The following ANKRD30BL variants were observed in gnomAD, a reference collection of about 807,000 sequenced individuals.
ANKRD30BL encodes the protein ankyrin repeat domain 30B like.
ANKRD30BL carries 20 observed loss-of-function variants against 18.4 expected under a neutral mutation model. The observed-to-expected ratio is 1.09, with a 90% CI of 0.77 to 1.58. The LOEUF is 1.58. Ranked by LOEUF, ANKRD30BL falls within the 40% of genes most tolerant of loss-of-function variation. The pLI is 0.00. For synonymous variants in ANKRD30BL, 72 were observed against 100.9 expected, an observed-to-expected ratio of 0.71 and a Z score of 1.72; for missense variants, 224 against 268.6, an observed-to-expected ratio of 0.83 and a Z score of 1.16.
At chr2:132,177,504 AG>A (rs2104945144) in intron 1 of ANKRD30BL, among the ~76,000 whole-genome samples, 1 of 152,336 alleles carries the variant, frequency 6.6e-6, no homozygotes, top group African/African-American at 2.4e-5. Context: ...GAGAAACTAC[AG>A]GATTTTGTTC....
intron 1 of ANKRD30BL, among the ~76,000 whole-genome samples, chr2:132,213,084 C>CT (rs1679399265): frequency 6.6e-6 from 1 of 151,788 alleles, no homozygotes; most frequent in Non-Finnish European, 1.5e-5. Flanking sequence ...TTGAAACCCT[C>CT]TTTTTATAGG....
intron 1 of ANKRD30BL, among the ~76,000 whole-genome samples, chr2:132,241,425 T>C (rs1309264939): frequency 6.6e-6 from 1 of 151,796 alleles, no homozygotes; most frequent in Non-Finnish European, 1.5e-5. Context: ...GAACCTTCCC[T>C]TTCATAGAGC....
chr2:132,147,942 AG>A lies in ANKRD30BL; in HGVS notation c.*188del. 1.8e-6 allele frequency: 1 copy of A among 561,832 alleles called. No individual in the cohort carries two copies. Among genetic ancestry groups the A allele is most frequent in the Non-Finnish European group, 3.2e-6 (1 of 309,426 alleles). 34.8% of individuals were successfully genotyped at this position (561,832 alleles called of 1,614,324 possible). Reference sequence around the variant, plus strand: ...TAGAAGGGGGCTGTTTAATGAAACTAGGGGCAAGGAGGCATAACGAACGAGG... The same window carrying A: ...TAGAAGGGGGCTGTTTAATGAAACTAGGGCAAGGAGGCATAACGAACGAGG... On this transcript the variant is annotated 3_prime_UTR_variant, in exon 6 of 6. Coordinates refer to ENST00000409867, the MANE Select transcript of ANKRD30BL (RefSeq NM_001358416.1).
chr2:132,222,832 T>TAAAAAAACAAAAAAA, intron 1 of ANKRD30BL, among the ~76,000 whole-genome samples: 1 of 52,808 alleles, frequency 1.9e-5, no homozygotes, highest in Non-Finnish European at 3.8e-5. Context: ...GAATGATCAA[T>TAAAAAAACAAAAAAA]AAAAAAAAAA....
chr2:132,245,208 T>C (rs552926991), intron 1 of ANKRD30BL, among the ~76,000 whole-genome samples: 2 of 152,414 alleles, frequency 1.3e-5, no homozygotes, highest in Admixed American at 6.5e-5. Context: ...AAACAGTCTT[T>C]TTGTACAATT....
chr2:132,177,932 T>A (rs1482398469), intron 1 of ANKRD30BL, among the ~76,000 whole-genome samples: 2 of 152,224 alleles, frequency 1.3e-5, no homozygotes, highest in Non-Finnish European at 2.9e-5. Flanking sequence ...ACAGTTGGTA[T>A]GCCATTTTTA....
intron 1 of ANKRD30BL, among the ~76,000 whole-genome samples, chr2:132,193,549 T>G (rs1678901114): frequency 6.6e-6 from 1 of 152,118 alleles, no homozygotes; most frequent in South Asian, 2.1e-4. Context: ...TGGGCAGAAG[T>G]GGGTCCATGA....
chr2:132,183,719 GT>G (rs1390611060), intron 1 of ANKRD30BL, among the ~76,000 whole-genome samples: 23 of 152,032 alleles, frequency 1.5e-4, no homozygotes, highest in Non-Finnish European at 3.1e-4. Context: ...GTGTATATAT[GT>G]GTGTATGTAT....
rs577163227 is a variant in ANKRD30BL, at chr2:132,186,706, A to T, written n.442-29560T>A. ...CTAAACACAGCTTTTATTTTCTCAC[A>T]CATACTGAGTATGGAATTACTATTA... On this transcript the variant is annotated intron_variant and non_coding_transcript_variant, in intron 1 of 4. Coordinates refer to the ANKRD30BL transcript ENST00000470729. 4.6e-5 allele frequency among the ~76,000 whole-genome samples: 7 copies of T among 152,336 alleles called. No homozygotes were observed. The East Asian group carries it at 1.3e-3, about 29-fold the overall frequency.
At chr2:132,214,886 T>A (rs1449620817) in intron 1 of ANKRD30BL, among the ~76,000 whole-genome samples, 1 of 152,032 alleles carries the variant, frequency 6.6e-6, no homozygotes, top group African/African-American at 2.4e-5. Flanking sequence ...TTCTTTGTGA[T>A]GTGTGCATTC....
chr2:132,161,269 G>C (rs1443756416), intron 1 of ANKRD30BL, among the ~76,000 whole-genome samples: 1 of 152,170 alleles, frequency 6.6e-6, no homozygotes, highest in Admixed American at 6.5e-5. Context: ...TTTTAAGGTG[G>C]CCTGTGCCCT....
At chr2:132,173,401 G>A (rs1388621349) in intron 1 of ANKRD30BL, among the ~76,000 whole-genome samples, 1 of 150,192 alleles carries the variant, frequency 6.7e-6, no homozygotes, top group Admixed American at 6.7e-5. Context: ...CTGGGTTCAT[G>A]CCATTCTCCT....
chr2:132,190,863 T>C (rs1678831363), intron 1 of ANKRD30BL, among the ~76,000 whole-genome samples: 2 of 152,298 alleles, frequency 1.3e-5, no homozygotes, highest in Admixed American at 1.3e-4. Flanking sequence ...TGCCAGTTAC[T>C]GTGTCTATTA....
At chr2:132,210,509 C>T (rs563270150) in intron 1 of ANKRD30BL, among the ~76,000 whole-genome samples, 143 of 151,940 alleles carry the variant, frequency 9.4e-4, no homozygotes, top group African/African-American at 3.4e-3. Context: ...ATTTGGAGCG[C>T]CTTAAGGTCT....
At chr2:132,221,799 G>A (rs1403730604) in intron 1 of ANKRD30BL, among the ~76,000 whole-genome samples, 30 of 92,830 alleles carry the variant, frequency 3.2e-4, no homozygotes, top group African/African-American at 5.5e-4. Flanking sequence ...CCGGCCAGCC[G>A]CCCCGTCCGG....
chr2:132,235,319 G>C (rs57792023), intron 1 of ANKRD30BL, among the ~76,000 whole-genome samples: 1 of 151,936 alleles, frequency 6.6e-6, no homozygotes, highest in Non-Finnish European at 1.5e-5. Context: ...TTCAACATAG[G>C]GTTGGAAGTT....
In ANKRD30BL at chr2:132,241,885, A is replaced by C. The variant is rs534962846; in HGVS notation, n.441+15644T>G. On this transcript the variant is annotated intron_variant and non_coding_transcript_variant, in intron 1 of 4. Transcript: ENST00000470729. Reference sequence around the variant, plus strand: ...ATAAAAACTAGACAAAAGCATTCTCAGAAACTTCTTTGTGATGATTGCATT... The same window carrying C: ...ATAAAAACTAGACAAAAGCATTCTCCGAAACTTCTTTGTGATGATTGCATT... Among the ~76,000 whole-genome samples the C allele has an allele frequency of 1.6e-4, 24 of 152,084 alleles. No homozygotes were observed. The South Asian group carries it at 3.1e-3, about 20-fold the overall frequency.
intron 1 of ANKRD30BL, among the ~76,000 whole-genome samples, chr2:132,253,511 G>A (rs1221050191): frequency 2.6e-5 from 4 of 152,172 alleles, no homozygotes; most frequent in African/African-American, 4.8e-5. Context: ...GGAGCCCAGG[G>A]GTTCCCGCCC....
At chr2:132,205,465 G>C (rs960540716) in intron 1 of ANKRD30BL, among the ~76,000 whole-genome samples, 2 of 151,634 alleles carry the variant, frequency 1.3e-5, no homozygotes, top group African/African-American at 4.9e-5. Flanking sequence ...GCTGGGCATG[G>C]TGGCACATGC....
Sources: gnomAD v4.1 joint callset for allele counts (sites outside exome capture counted in the v4.1 genomes callset) on GRCh38, gnomAD v4.1.1 for gene constraint, MANE v1.5 for transcripts, NCBI Gene and HGNC (gene_info 2026-07-23, HGNC 2026-07-21) for gene names.